Variants in NCKAP5 observed in about 807,000 individuals in gnomAD.
NCKAP5 encodes nck-associated protein 5.
In NCKAP5, 92 loss-of-function variants were observed where a neutral mutation model predicts 167.0. That is an observed-to-expected ratio of 0.55 (90% confidence interval 0.47 to 0.66). The LOEUF is 0.66. NCKAP5 is among the 30% of genes least tolerant of loss of function. The pLI is 0.00. For synonymous variants in NCKAP5, 891 were observed against 877.4 expected, an observed-to-expected ratio of 1.02 and a Z score of -0.27; for missense variants, 2,378 against 2,315.0, an observed-to-expected ratio of 1.03 and a Z score of -0.56.
chr2:133,547,452 T>C (rs1048527279), intron 2 of NCKAP5, among the ~76,000 whole-genome samples: 8 of 152,160 alleles, frequency 5.3e-5, no homozygotes, highest in Non-Finnish European at 8.8e-5. Context: ...AAGACAGCAG[T>C]AACCTCTGCA....
rs1045623158 is a variant in NCKAP5 at position 132,709,073 on chromosome 2, A to G, written c.5713+16554T>C. On this transcript the variant is annotated intron_variant, in intron 19 of 19. Coordinates refer to ENST00000409261, the MANE Select transcript of NCKAP5 (RefSeq NM_207363.3). ...TTGATCTTATATCCAGTCACCTTGTAAAACTTTCCTATTATTTCTAGTAAC... is the reference window on the plus strand; with the variant it reads ...TTGATCTTATATCCAGTCACCTTGTGAAACTTTCCTATTATTTCTAGTAAC... Among the ~76,000 whole-genome samples, 3 of 152,144 alleles carry G rather than the reference A, an allele frequency of 2.0e-5. 1 individual carries two copies. The highest frequency in any genetic ancestry group is 4.4e-5 in the Non-Finnish European group (3 of 68,032).
chr2:133,082,216 A>C (rs2149595708), intron 6 of NCKAP5, among the ~76,000 whole-genome samples: 1 of 152,188 alleles, frequency 6.6e-6, no homozygotes, highest in Middle Eastern at 3.4e-3. Context: ...TTAATAAATA[A>C]ATTTATCAAA....
intron 6 of NCKAP5, among the ~76,000 whole-genome samples, chr2:133,042,977 G>C (rs1037062183): frequency 2.6e-5 from 4 of 151,914 alleles, no homozygotes; most frequent in Non-Finnish European, 5.9e-5. Flanking sequence ...TTTTTTCAAT[G>C]ACCTCAAATT....
intron 2 of NCKAP5, among the ~76,000 whole-genome samples, chr2:133,527,442 C>A (rs1685016222): frequency 6.6e-6 from 1 of 151,778 alleles, no homozygotes; most frequent in Non-Finnish European, 1.5e-5. Flanking sequence ...CTTTTTTTTC[C>A]ACTTTAAGAG....
At chr2:132,824,622 C>T (rs1318813817) in intron 11 of NCKAP5, among the ~76,000 whole-genome samples, 3 of 152,202 alleles carry the variant, frequency 2.0e-5, no homozygotes, top group African/African-American at 7.2e-5. Flanking sequence ...ATCTAGCTCT[C>T]TTTCCTTTTG....
chr2:132,748,616 C>T (rs1163608581), intron 16 of NCKAP5, among the ~76,000 whole-genome samples: 1 of 152,232 alleles, frequency 6.6e-6, no homozygotes, highest in Non-Finnish European at 1.5e-5. Context: ...GCTCTTTGCG[C>T]TGCTCTGCAA....
At chr2:132,789,906 G>A in intron 13 of NCKAP5, 117 bp downstream of exon 13, 3 of 872,832 alleles carry the variant, frequency 3.4e-6, no homozygotes, top group Non-Finnish European at 5.2e-6. Context: ...TACATGAGCA[G>A]GTGCTCAGCA....
At chr2:133,068,127 T>C (rs952201946) in intron 6 of NCKAP5, among the ~76,000 whole-genome samples, 1 of 152,144 alleles carries the variant, frequency 6.6e-6, no homozygotes, top group Non-Finnish European at 1.5e-5. Context: ...ACATCCACTC[T>C]AGTAGTAGAT....
At chr2:132,700,619 T>C (rs1361578479) in intron 19 of NCKAP5, among the ~76,000 whole-genome samples, 1 of 152,126 alleles carries the variant, frequency 6.6e-6, no homozygotes, top group Non-Finnish European at 1.5e-5. Flanking sequence ...AGGTTTGAAA[T>C]GATAGATTAA....
At chr2:133,648,038 T>C in the NCKAP5 span, among the ~76,000 whole-genome samples, 9 of 152,206 alleles carry the variant, frequency 5.9e-5, no homozygotes, top group East Asian at 1.7e-3. Context: ...AGTCAAATGA[T>C]GGAAAAAGTT....
At chr2:133,102,307 T>C (rs990702526) in intron 6 of NCKAP5, among the ~76,000 whole-genome samples, 1 of 152,174 alleles carries the variant, frequency 6.6e-6, no homozygotes, top group Admixed American at 6.5e-5. Flanking sequence ...CCACCAAGCC[T>C]GGCTAATTTT....
At chr2:132,859,804 G>C (rs1374678863) in intron 11 of NCKAP5, among the ~76,000 whole-genome samples, 1 of 152,180 alleles carries the variant, frequency 6.6e-6, no homozygotes, top group Non-Finnish European at 1.5e-5. Context: ...ACAAAGATCG[G>C]AAACAGCAAA....
At chr2:133,554,891 G>C (rs546633473) in intron 2 of NCKAP5, among the ~76,000 whole-genome samples, 1 of 152,208 alleles carries the variant, frequency 6.6e-6, no homozygotes, top group South Asian at 2.1e-4. Context: ...GAGGTATCTA[G>C]GTGTGGAGGA....
intron 1 of NCKAP5, among the ~76,000 whole-genome samples, chr2:133,560,052 C>A (rs1424797209): frequency 1.3e-5 from 2 of 152,140 alleles, no homozygotes; most frequent in Non-Finnish European, 2.9e-5. Context: ...AATACTGATT[C>A]TTGTACTATG....
At chr2:133,228,978 AACAG>A (rs1207445389) in intron 4 of NCKAP5, among the ~76,000 whole-genome samples, 1 of 152,208 alleles carries the variant, frequency 6.6e-6, no homozygotes, top group Non-Finnish European at 1.5e-5. Context: ...AGAACCTAAT[AACAG>A]ACAGCCTAGA....
chr2:133,630,357 T>G, the NCKAP5 span, among the ~76,000 whole-genome samples: 2 of 152,110 alleles, frequency 1.3e-5, no homozygotes, highest in African/African-American at 4.8e-5. Context: ...AATTTCTTCT[T>G]TGAAGTGAAT....
chr2:133,636,029 G>A, the NCKAP5 span, among the ~76,000 whole-genome samples: 1 of 152,226 alleles, frequency 6.6e-6, no homozygotes, highest in Non-Finnish European at 1.5e-5. Context: ...CAGTAGTGTG[G>A]TGACTGAAGC....
chr2:133,660,815 C>T, the NCKAP5 span, among the ~76,000 whole-genome samples: 4 of 152,024 alleles, frequency 2.6e-5, no homozygotes, highest in African/African-American at 9.7e-5. Flanking sequence ...ATCTAGTTTG[C>T]GGATTTAACA....
chr2:133,449,008 T>A (rs950116250), intron 3 of NCKAP5, among the ~76,000 whole-genome samples: 2 of 152,248 alleles, frequency 1.3e-5, no homozygotes, highest in African/African-American at 4.8e-5. Flanking sequence ...TGAGAGAGGA[T>A]GTTCTTATTA....
Sources: gnomAD v4.1 joint callset for allele counts (sites outside exome capture counted in the v4.1 genomes callset) on GRCh38, gnomAD v4.1.1 for gene constraint, MANE v1.5 for transcripts, NCBI Gene and HGNC (gene_info 2026-07-23, HGNC 2026-07-21) for gene names.